ABR: variants seen among roughly 807,000 people sequenced by gnomAD.
ABR encodes ABR activator of RhoGEF and GTPase.
In ABR, 35 loss-of-function variants were observed where a neutral mutation model predicts 107.2. That is an observed-to-expected ratio of 0.33 (90% confidence interval 0.25 to 0.43). The LOEUF (loss-of-function observed/expected upper bound fraction) is 0.43. Among genes scored for constraint, ABR ranks in the 20% least tolerant of loss-of-function variants. The pLI is 1.00. For synonymous variants in ABR, 498 were observed against 462.0 expected, an observed-to-expected ratio of 1.08 and a Z score of -1.00; for missense variants, 815 against 1,115.2, an observed-to-expected ratio of 0.73 and a Z score of 3.83.
rs2072297450 is a variant in ABR at position 1,027,566 on chromosome 17, G to GTGGGCTAA, written c.1792-14403_1792-14402insTTAGCCCA. On this transcript the variant is annotated intron_variant, in intron 16 of 22. Coordinates refer to ENST00000302538, the MANE Select transcript of ABR (RefSeq NM_021962.5). This position sits in a 1 kb window ranked among gnomAD's most constrained non-coding sequence, Gnocchi z 4.7. ...AGCAGTGAGGTCTGCCCACTCGGCA[G>GTGGGCTAA]GTGGGTAAGTGCTGTGGAAAAGAGG... Among the ~76,000 whole-genome samples the GTGGGCTAA allele has an allele frequency of 5.3e-5, 8 of 152,312 alleles. 1 individual carries two copies. The South Asian group carries it at 1.4e-3, about 28-fold the overall frequency.
intron 1 of ABR, among the ~76,000 whole-genome samples, chr17:1,224,344 C>T (rs2043176812): frequency 6.6e-6 from 1 of 152,130 alleles, no homozygotes. Context: ...CGTGCGCGGA[C>T]AAAAAAGCCG....
At chr17:1,075,572 G>T (rs1356188416) in intron 6 of ABR, among the ~76,000 whole-genome samples, 3 of 137,286 alleles carry the variant, frequency 2.2e-5, no homozygotes, top group Non-Finnish European at 4.6e-5. Flanking sequence ...CTGGGGGAGC[G>T]GTTAAAAGAT....
intron 14 of ABR, among the ~76,000 whole-genome samples, chr17:1,053,494 C>A (rs1421053072): frequency 6.6e-6 from 1 of 152,056 alleles, no homozygotes; most frequent in Non-Finnish European, 1.5e-5. Flanking sequence ...TGGGTCCACA[C>A]CCCAGCTCTG....
At chr17:1,105,153 T>A (rs2038162608) in intron 2 of ABR, among the ~76,000 whole-genome samples, 1 of 151,756 alleles carries the variant, frequency 6.6e-6, no homozygotes, top group South Asian at 2.1e-4. Context: ...GGATTACAGG[T>A]GCACGCCACC....
chr17:1,116,656 C>T (rs1373885507), intron 2 of ABR, among the ~76,000 whole-genome samples: 1 of 152,198 alleles, frequency 6.6e-6, no homozygotes, highest in Admixed American at 6.5e-5. Context: ...AGGCACTAGT[C>T]TACCTACTTC....
chr17:1,052,291 G>C (rs998493247), intron 14 of ABR, among the ~76,000 whole-genome samples: 1 of 151,794 alleles, frequency 6.6e-6, no homozygotes, highest in Non-Finnish European at 1.5e-5. Flanking sequence ...GCCATGAAGT[G>C]CTGTCATCAT....
At chr17:1,178,517 T>C (rs938920183) in intron 1 of ABR, among the ~76,000 whole-genome samples, 2 of 150,878 alleles carry the variant, frequency 1.3e-5, no homozygotes, top group Admixed American at 6.6e-5. Context: ...TGAGCGGAGA[T>C]TGCGCCACTG....
intron 2 of ABR, among the ~76,000 whole-genome samples, chr17:1,122,192 C>G (rs543573553): frequency 6.6e-6 from 1 of 152,148 alleles, no homozygotes. Context: ...CGTGAGCCAC[C>G]GCGCCCAGCC....
At chr17:1,015,709 C>T (rs576329616) in intron 16 of ABR, among the ~76,000 whole-genome samples, 5 of 152,230 alleles carry the variant, frequency 3.3e-5, no homozygotes, top group South Asian at 2.1e-4. Context: ...CCACCCGCCT[C>T]GGTCTCCCAA....
intron 1 of ABR, among the ~76,000 whole-genome samples, chr17:1,134,224 T>C (rs2039962227): frequency 6.6e-6 from 1 of 151,984 alleles, no homozygotes; most frequent in Non-Finnish European, 1.5e-5. Context: ...ACCAGCCTGC[T>C]CAACATGATG....
intron 1 of ABR, among the ~76,000 whole-genome samples, chr17:1,197,473 C>G (rs57797499): frequency 6.6e-6 from 1 of 151,642 alleles, no homozygotes; most frequent in African/African-American, 2.4e-5. Context: ...GGAGCCTCCT[C>G]GGATCTTAGC....
chr17:1,202,318 G>A (rs1473363594), intron 1 of ABR, among the ~76,000 whole-genome samples: 2 of 152,124 alleles, frequency 1.3e-5, no homozygotes, highest in African/African-American at 4.8e-5. Flanking sequence ...GTGAGACACC[G>A]CACCTGGCCC....
rs9896559 is a variant in ABR, at chr17:1,062,955, T to G, written c.1183-4088A>C. 4.4e-4 allele frequency among the ~76,000 whole-genome samples: 33 copies of G among 75,380 alleles called. 6 individuals carry two copies. Among genetic ancestry groups the G allele is most frequent in the African/African-American group, 1.3e-3 (26 of 20,260 alleles). The allele number at this position is 75,380 out of a possible 152,430, so 49.5% of individuals were successfully genotyped here. On this transcript the variant is annotated intron_variant, in intron 10 of 22. Coordinates refer to ENST00000302538, the MANE Select transcript of ABR (RefSeq NM_021962.5). ...TGAGGGCTATGCATGTTCCTCTAGA[T>G]GCTGCTGTTATGTGAACTGAGGGCT...
At position 1,027,160 on chromosome 17, in the gene ABR, C is replaced by G. The variant is rs1029614138; in HGVS notation, c.1792-13996G>C. ...AACACTGGGCTCAGGCAGCTTTGGC[C>G]TTTGAGGAACCCCCTTGATTGGCAG... On this transcript the variant is annotated intron_variant, in intron 16 of 22. Coordinates refer to ENST00000302538, the MANE Select transcript of ABR (RefSeq NM_021962.5). The surrounding 1 kb of genome is among the most constrained non-coding windows in gnomAD (Gnocchi z 4.7). Among the ~76,000 whole-genome samples the G allele has an allele frequency of 6.6e-6, 1 of 152,244 alleles. No homozygotes were observed. Among genetic ancestry groups the G allele is most frequent in the East Asian group, 1.9e-4 (1 of 5,192 alleles).
chr17:1,036,773 A>G (rs72814008), intron 16 of ABR, among the ~76,000 whole-genome samples: 12,204 of 152,004 alleles, frequency 0.08, 731 homozygotes, highest in South Asian at 0.2. Flanking sequence ...TGTTCTGACC[A>G]TTTCCTGTAC....
intron 16 of ABR, among the ~76,000 whole-genome samples, chr17:1,038,084 G>A (rs530292501): frequency 6.6e-6 from 1 of 152,190 alleles, no homozygotes; most frequent in African/African-American, 2.4e-5. Flanking sequence ...AAGAGGGGAC[G>A]TGGGGCCCAC....
rs527920386 is a variant in ABR, at chr17:1,199,129, G to A, written c.838+29664C>T. Among the ~76,000 whole-genome samples the A allele has an allele frequency of 4.6e-5, 7 of 150,776 alleles. No homozygotes were observed. In the East Asian group the frequency reaches 1.4e-3, roughly 30 times the overall value. ...CCCAGACCTTCATTCCTCTGAGGGG[G>A]CCGGGGAAGGTGTGAAAACTTTGCT... On this transcript the variant is annotated intron_variant, in intron 1 of 22. Transcript: ENST00000574139.
chr17:1,077,949 C>T (rs1486233355), intron 6 of ABR, among the ~76,000 whole-genome samples: 3 of 152,184 alleles, frequency 2.0e-5, no homozygotes, highest in South Asian at 4.1e-4. Context: ...GCAGGGTCCA[C>T]GGGCTTCTGG....
intron 1 of ABR, among the ~76,000 whole-genome samples, chr17:1,135,838 T>C (rs2040035695): frequency 2.0e-5 from 3 of 152,272 alleles, no homozygotes; most frequent in Middle Eastern, 6.8e-3. Context: ...ATTGGGCCAC[T>C]GCACTCCAGC....
Sources: allele counts gnomAD v4.1 joint callset (sites outside exome capture counted in the v4.1 genomes callset), GRCh38; gene constraint gnomAD v4.1.1; non-coding constraint Gnocchi (gnomAD v3.1); transcripts MANE v1.5; gene names NCBI Gene and HGNC (gene_info 2026-07-23, HGNC 2026-07-21).